TRIM24: variants seen among roughly 807,000 people sequenced by gnomAD.
The protein encoded by TRIM24 is transcription intermediary factor 1-alpha.
TRIM24 carries 29 observed loss-of-function variants against 123.9 expected under a neutral mutation model. That is an observed-to-expected ratio of 0.23 (90% CI 0.17 to 0.32). The LOEUF is 0.32. Ranked by LOEUF, TRIM24 falls within the 10% of genes least tolerant of loss-of-function variation. TRIM24 has a pLI of 1.00. For synonymous variants in TRIM24, 456 were observed against 461.1 expected, an observed-to-expected ratio of 0.99 and a Z score of 0.14; for missense variants, 932 against 1,295.3, an observed-to-expected ratio of 0.72 and a Z score of 4.31.
At chr7:138,519,925 G>A (rs1796472637) in intron 4 of TRIM24, among the ~76,000 whole-genome samples, 1 of 151,954 alleles carries the variant, frequency 6.6e-6, no homozygotes, top group South Asian at 2.1e-4. Flanking sequence ...AGTAAGATTC[G>A]GATTGATACA....
chr7:138,490,748 G>T, intron 1 of TRIM24: 1 of 494,334 alleles, frequency 2.0e-6, no homozygotes, highest in Non-Finnish European at 4.0e-6. Context: ...AAACATCATG[G>T]AGAGGAGAAA....
At chr7:138,479,168 G>T (rs1453176468) in intron 1 of TRIM24, among the ~76,000 whole-genome samples, 3 of 152,060 alleles carry the variant, frequency 2.0e-5, no homozygotes, top group Non-Finnish European at 4.4e-5. Flanking sequence ...TCCCCACCAT[G>T]AACTGAAAAC....
rs7806767 is a variant in TRIM24 at position 138,577,921 on chromosome 7, A to G, written c.2256+333A>G. Among the ~76,000 whole-genome samples the G allele has an allele frequency of 2.3e-3, 344 of 152,308 alleles. 2 individuals carry two copies. The highest frequency in any genetic ancestry group is 8.0e-3 in the African/African-American group (332 of 41,572). ...TTCTCAAAATAATTCTTATGTACTC[A>G]TTCTCAGGAAGATACTTGATAATAT... is the stretch of plus-strand genomic sequence containing the variant. On this transcript the variant is annotated intron_variant, in intron 14 of 18. Coordinates refer to ENST00000343526, the MANE Select transcript of TRIM24 (RefSeq NM_015905.3).
intron 1 of TRIM24, among the ~76,000 whole-genome samples, chr7:138,465,071 T>G (rs1000236764): frequency 1.2e-4 from 18 of 152,214 alleles, no homozygotes; most frequent in African/African-American, 3.9e-4. Flanking sequence ...GTTTGAACTG[T>G]TTTAAAGGAG....
rs1035809667 is a variant in TRIM24, at chr7:138,516,170, C to T, written c.631+811C>T. Among the ~76,000 whole-genome samples the T allele has an allele frequency of 7.2e-5, 11 of 152,098 alleles. No individual in the cohort carries two copies. In the East Asian group the frequency reaches 1.4e-3, roughly 19 times the overall value. ...CAAAAAAATTAGCTGGGCGTGGTGG[C>T]GGGCACCTGTAGTCCCAGCTACTCG... On this transcript the variant is annotated intron_variant, in intron 3 of 18. Transcript: ENST00000343526.
At chr7:138,539,008 G>A (rs1276273153) in intron 7 of TRIM24, among the ~76,000 whole-genome samples, 16 of 151,378 alleles carry the variant, frequency 1.1e-4, no homozygotes, top group Non-Finnish European at 2.1e-4. Flanking sequence ...TCCTTTTTTT[G>A]TTCTTTCCAA....
intron 4 of TRIM24, among the ~76,000 whole-genome samples, chr7:138,523,897 C>T (rs1169075675): frequency 6.6e-6 from 1 of 151,890 alleles, no homozygotes; most frequent in African/African-American, 2.4e-5. Flanking sequence ...AATTACAGGC[C>T]AGTCTCACTC....
At chr7:138,508,708 C>CGTGTGTGTGTGTGCGTGCGT (rs61703393) in intron 2 of TRIM24, among the ~76,000 whole-genome samples, 4 of 136,194 alleles carry the variant, frequency 2.9e-5, no homozygotes, top group Non-Finnish European at 6.3e-5. Flanking sequence ...CGCGTGTGTG[C>CGTGTGTGTGTGTGCGTGCGT]GTGTGTGTGT....
intron 1 of TRIM24, among the ~76,000 whole-genome samples, chr7:138,462,403 C>T (rs1795013367): frequency 6.8e-6 from 1 of 147,660 alleles, no homozygotes; most frequent in African/African-American, 2.5e-5. Context: ...TGCAGTGGCG[C>T]GATCTCGGCT....
rs772624757 is a variant in TRIM24, at chr7:138,525,356, A to C, written c.880A>C (p.Arg294=). 6.9e-7 allele frequency: 1 copy of C among 1,454,962 alleles called. No individual in the cohort carries two copies. Among genetic ancestry groups the C allele is most frequent in the Non-Finnish European group, 9.2e-7 (1 of 1,087,312 alleles). The allele number at this position is 1,454,962 out of a possible 1,614,324, so 90.1% of individuals were successfully genotyped here. Residue 294 remains arginine, a splice_region_variant and synonymous_variant, in exon 5 of 19, where the codon AGA becomes CGA. Coordinates refer to ENST00000343526, the MANE Select transcript of TRIM24 (RefSeq NM_015905.3). ...ATTCACAGGAAATCAGATCCAAAAC[A>C]GGTAATTTTATGGTATTATGTAATC... is the stretch of plus-strand genomic sequence containing the variant. ...IKFTGNQIQN[R]IIEVNQNQKQ...
chr7:138,563,005 C>G (rs759323443), intron 9 of TRIM24, among the ~76,000 whole-genome samples: 1 of 152,192 alleles, frequency 6.6e-6, no homozygotes, highest in Non-Finnish European at 1.5e-5. Context: ...CCTTGGCCAA[C>G]AAAGTGGCCT....
At chr7:138,572,061 T>C (rs377187029) in intron 11 of TRIM24, among the ~76,000 whole-genome samples, 19 of 152,350 alleles carry the variant, frequency 1.2e-4, no homozygotes, top group East Asian at 5.8e-4. Context: ...AAATTACCTA[T>C]AAGATTGTGA....
chr7:138,463,988 A>ATTT (rs1359459460), intron 1 of TRIM24, among the ~76,000 whole-genome samples: 2 of 32,114 alleles, frequency 6.2e-5, no homozygotes, highest in African/African-American at 1.3e-4. Flanking sequence ...AAAAATTTAG[A>ATTT]CTTTTTTTTT....
chr7:138,579,641 AT>A, intron 15 of TRIM24, 109 bp downstream of exon 15: 1 of 855,730 alleles, frequency 1.2e-6, no homozygotes, highest in Non-Finnish European at 1.8e-6. Context: ...GCACAAGTGT[AT>A]ACTCCAAAAT....
chr7:138,558,689 G>A (rs997249483), intron 9 of TRIM24, among the ~76,000 whole-genome samples: 10 of 152,228 alleles, frequency 6.6e-5, no homozygotes, highest in African/African-American at 2.4e-4. Flanking sequence ...TATACAGACT[G>A]ACTTCTGAGT....
At chr7:138,536,361 T>C (rs1357768696) in intron 6 of TRIM24, among the ~76,000 whole-genome samples, 1 of 152,210 alleles carries the variant, frequency 6.6e-6, no homozygotes, top group Middle Eastern at 3.2e-3. Context: ...CTACCTTTGG[T>C]CTTTGATGAT....
At chr7:138,471,522 A>C (rs1055463536) in intron 1 of TRIM24, among the ~76,000 whole-genome samples, 1 of 151,286 alleles carries the variant, frequency 6.6e-6, no homozygotes, top group Non-Finnish European at 1.5e-5. Context: ...TAGTATAATA[A>C]ATTTATTTTT....
intron 5 of TRIM24, among the ~76,000 whole-genome samples, chr7:138,527,619 C>T (rs1052687927): frequency 1.3e-5 from 2 of 152,194 alleles, no homozygotes; most frequent in African/African-American, 4.8e-5. Context: ...GAAATAAAGT[C>T]TCTGCCAGTT....
chr7:138,570,147 A>G (rs1797623576), intron 10 of TRIM24, among the ~76,000 whole-genome samples: 1 of 152,080 alleles, frequency 6.6e-6, no homozygotes, highest in African/African-American at 2.4e-5. Context: ...GAGTTTCACC[A>G]TGTTGGCCAG....
Sources: allele counts gnomAD v4.1 joint callset (sites outside exome capture counted in the v4.1 genomes callset), GRCh38; gene constraint gnomAD v4.1.1; transcripts MANE v1.5; gene names NCBI Gene and HGNC (gene_info 2026-07-23, HGNC 2026-07-21).